ZMAT4: variants seen among roughly 807,000 people sequenced by gnomAD.
The protein encoded by ZMAT4 is zinc finger matrin-type 4, also known as zinc finger matrin-type protein 4.
A neutral mutation model predicts 28.7 loss-of-function variants in ZMAT4; 17 were observed. The ratio of observed to expected loss-of-function variants is 0.59; its 90% confidence interval spans 0.41 to 0.89. The LOEUF (loss-of-function observed/expected upper bound fraction) is 0.89, where lower values mean the gene tolerates loss of function less well. Ranked by LOEUF, ZMAT4 falls within the 40% of genes least tolerant of loss-of-function variation. The pLI, the probability that ZMAT4 is intolerant of heterozygous loss-of-function variation, is 0.00. For synonymous variants in ZMAT4, 117 were observed against 109.2 expected, an observed-to-expected ratio of 1.07 and a Z score of -0.44; for missense variants, 240 against 283.8, an observed-to-expected ratio of 0.85 and a Z score of 1.11.
intron 1 of ZMAT4, among the ~76,000 whole-genome samples, chr8:40,843,004 A>C (rs1377919501): frequency 6.6e-6 from 1 of 152,040 alleles, no homozygotes; most frequent in African/African-American, 2.4e-5. Flanking sequence ...CTCGAACTCC[A>C]GACCTCAGGT....
chr8:40,806,686 T>C (rs577517386), intron 2 of ZMAT4, among the ~76,000 whole-genome samples: 42 of 152,328 alleles, frequency 2.8e-4, no homozygotes, highest in African/African-American at 9.6e-4. Flanking sequence ...GGCACATATT[T>C]ATGCATCTGT....
intron 3 of ZMAT4, among the ~76,000 whole-genome samples, chr8:40,757,682 C>A (rs530691526): frequency 6.6e-6 from 1 of 151,982 alleles, no homozygotes; most frequent in Non-Finnish European, 1.5e-5. Flanking sequence ...TTTATGTATC[C>A]ATCAAATATC....
intron 5 of ZMAT4, among the ~76,000 whole-genome samples, chr8:40,621,045 G>A (rs1441602834): frequency 6.6e-6 from 1 of 152,182 alleles, no homozygotes; most frequent in Non-Finnish European, 1.5e-5. Context: ...CTTTATTAGA[G>A]AAGTGGCATC....
chr8:40,535,248 C>T (rs1320294824), intron 6 of ZMAT4, among the ~76,000 whole-genome samples: 1 of 152,154 alleles, frequency 6.6e-6, no homozygotes, highest in Admixed American at 6.5e-5. Flanking sequence ...CAGCCATGTC[C>T]AAAAGCTTCC....
At chr8:40,693,710 A>T (rs1373875161) in intron 4 of ZMAT4, among the ~76,000 whole-genome samples, 1 of 152,346 alleles carries the variant, frequency 6.6e-6, no homozygotes, top group East Asian at 1.9e-4. Flanking sequence ...GCCACAGACA[A>T]TATGTAAATG....
chr8:40,690,587 G>C (rs953631871), intron 4 of ZMAT4, among the ~76,000 whole-genome samples: 3 of 152,154 alleles, frequency 2.0e-5, no homozygotes, highest in African/African-American at 4.8e-5. Flanking sequence ...CAAATAACCT[G>C]ATTCAGATGA....
chr8:40,897,182 G>A (rs576566200), intron 1 of ZMAT4, among the ~76,000 whole-genome samples: 1 of 152,184 alleles, frequency 6.6e-6, no homozygotes, highest in East Asian at 1.9e-4. Context: ...AAAATGAACT[G>A]AGACAGGCAG....
In ZMAT4 at chr8:40,605,031, C is replaced by T. The variant is rs574140842; in HGVS notation, c.578-23770G>A. Among the ~76,000 whole-genome samples, 17 of 152,160 alleles carry T rather than the reference C, an allele frequency of 1.1e-4. 1 individual carries two copies. The highest frequency in any genetic ancestry group is 3.4e-3 in the Middle Eastern group (1 of 294). On this transcript the variant is annotated intron_variant, in intron 5 of 6. Coordinates refer to ENST00000297737, the MANE Select transcript of ZMAT4 (RefSeq NM_024645.3). ...TTCTGTGGTATCAGTTGTGATATCT[C>T]CCGTTTTGTTTCTAATTAAGCTTAT...
intron 1 of ZMAT4, among the ~76,000 whole-genome samples, chr8:40,866,636 G>A (rs1401444131): frequency 6.6e-6 from 1 of 152,168 alleles, no homozygotes; most frequent in Admixed American, 6.5e-5. Context: ...AGGAAAGGAA[G>A]TTGATGAATA....
rs184004341 is a variant in ZMAT4, at chr8:40,851,886, A to C, written c.-4-26206T>G. Reference sequence around the variant, plus strand: ...GAATTTGTTCCTCCTATCTAGCTGCAATTTTTTATTTATTTTATTTTATTT... The same window carrying C: ...GAATTTGTTCCTCCTATCTAGCTGCCATTTTTTATTTATTTTATTTTATTT... On this transcript the variant is annotated intron_variant, in intron 1 of 6. Transcript: ENST00000297737. 2.9e-3 allele frequency among the ~76,000 whole-genome samples: 444 copies of C among 152,136 alleles called. 3 individuals carry two copies. Among genetic ancestry groups the C allele is most frequent in the African/African-American group, 9.8e-3 (407 of 41,506 alleles).
At chr8:40,601,571 AAAG>A (rs1261405491) in intron 5 of ZMAT4, among the ~76,000 whole-genome samples, 6 of 4,344 alleles carry the variant, frequency 1.4e-3, no homozygotes, top group East Asian at 0.031. Context: ...AAGAAGAAAG[AAAG>A]AAAGAAAGAA....
intron 1 of ZMAT4, among the ~76,000 whole-genome samples, chr8:40,836,495 C>T (rs1490283765): frequency 1.3e-5 from 2 of 152,184 alleles, no homozygotes; most frequent in African/African-American, 4.8e-5. Context: ...AGCCTGTAAT[C>T]AGCCCAAAAG....
intron 3 of ZMAT4, among the ~76,000 whole-genome samples, chr8:40,741,307 C>A: frequency 6.6e-6 from 1 of 151,774 alleles, no homozygotes; most frequent in Non-Finnish European, 1.5e-5. Flanking sequence ...ATTAGCCAGG[C>A]GTGGTGGCAT....
At chr8:40,854,878 G>A (rs540126601) in intron 1 of ZMAT4, among the ~76,000 whole-genome samples, 2 of 152,164 alleles carry the variant, frequency 1.3e-5, no homozygotes, top group South Asian at 2.1e-4. Context: ...ATTACAAAAG[G>A]ACTAATTATT....
In ZMAT4 at chr8:40,765,703, C is replaced by T. The variant is rs1235842996; in HGVS notation, c.192+1938G>A. On this transcript the variant is annotated intron_variant, in intron 3 of 6. Transcript: ENST00000297737. ...GAGCTTGATTAAAGGGGATTGTGCA[C>T]CTGACCAGAGTGGCAAGGACCATCT... 2.0e-5 allele frequency among the ~76,000 whole-genome samples: 3 copies of T among 152,172 alleles called. No individual in the cohort carries two copies. In the East Asian group the frequency reaches 5.8e-4, roughly 29 times the overall value.
intron 5 of ZMAT4, among the ~76,000 whole-genome samples, chr8:40,670,481 T>G (rs1808619779): frequency 6.6e-6 from 1 of 152,180 alleles, no homozygotes; most frequent in Non-Finnish European, 1.5e-5. Context: ...AAAGATTTTT[T>G]TAGGTAAGAC....
At chr8:40,862,712 A>T (rs1028745479) in intron 1 of ZMAT4, among the ~76,000 whole-genome samples, 9 of 151,536 alleles carry the variant, frequency 5.9e-5, no homozygotes, top group African/African-American at 2.2e-4. Flanking sequence ...TCAGCAAATT[A>T]TTGCAAGGAC....
intron 6 of ZMAT4, among the ~76,000 whole-genome samples, chr8:40,540,466 A>G (rs112454277): frequency 6.6e-6 from 1 of 152,182 alleles, no homozygotes; most frequent in African/African-American, 2.4e-5. Context: ...CAAGAAGAGG[A>G]CAAACAAGCT....
chr8:40,803,483 T>C (rs1371408175), intron 2 of ZMAT4, among the ~76,000 whole-genome samples: 1 of 152,098 alleles, frequency 6.6e-6, no homozygotes, highest in Non-Finnish European at 1.5e-5. Context: ...AATAAGCATA[T>C]GAAAAGATGC....
Sources: allele counts gnomAD v4.1 joint callset (sites outside exome capture counted in the v4.1 genomes callset), GRCh38; gene constraint gnomAD v4.1.1; transcripts MANE v1.5; gene names NCBI Gene and HGNC (gene_info 2026-07-23, HGNC 2026-07-21).